AVEN: variants seen among roughly 807,000 people sequenced by gnomAD.
AVEN encodes cell death regulator Aven.
Under a neutral mutation model 38.1 loss-of-function variants are expected in AVEN, and 41 were observed. That is an observed-to-expected ratio of 1.08 (90% CI 0.84 to 1.40). The LOEUF (loss-of-function observed/expected upper bound fraction) is 1.40, where lower values mean the gene tolerates loss of function less well. Among genes scored for constraint, AVEN ranks in the 40% most tolerant of loss-of-function variants. The pLI, the probability that AVEN is intolerant of heterozygous loss-of-function variation, is 0.00. For missense variants in AVEN, 605 were observed against 438.8 expected (o/e 1.38, Z -3.38); for synonymous variants, 206 against 171.8 (o/e 1.20, Z -1.56).
intron 2 of AVEN, among the ~76,000 whole-genome samples, chr15:33,938,316 G>T (rs1474601357): frequency 3.3e-5 from 5 of 151,948 alleles, no homozygotes; most frequent in Non-Finnish European, 1.5e-5. Context: ...TTAGCCGGGC[G>T]TGGTGGTGGG....
intron 2 of AVEN, among the ~76,000 whole-genome samples, chr15:34,002,007 T>C (rs959051868): frequency 6.6e-6 from 1 of 152,210 alleles, no homozygotes; most frequent in Non-Finnish European, 1.5e-5. Flanking sequence ...AGCGACGTAA[T>C]TGCAGATTCA....
At chr15:33,993,667 A>T (rs1319810304) in intron 2 of AVEN, among the ~76,000 whole-genome samples, 2 of 152,198 alleles carry the variant, frequency 1.3e-5, no homozygotes, top group Non-Finnish European at 2.9e-5. Context: ...CAACATAAAT[A>T]ACAATCATCC....
At chr15:34,014,367 T>TA (rs1171463772) in intron 1 of AVEN, among the ~76,000 whole-genome samples, 3,156 of 13,434 alleles carry the variant, frequency 0.23, 305 homozygotes, top group East Asian at 0.44. Flanking sequence ...TCCATCTCAT[T>TA]AAAAAAAAAA....
intron 5 of AVEN, among the ~76,000 whole-genome samples, chr15:34,059,428 C>T (rs540122540): frequency 6.6e-6 from 1 of 152,298 alleles, no homozygotes; most frequent in Admixed American, 6.5e-5. Context: ...TACTTCTCTC[C>T]GGACTAATGC....
chr15:33,915,981 T>G (rs1002015900), intron 2 of AVEN, among the ~76,000 whole-genome samples: 1 of 152,044 alleles, frequency 6.6e-6, no homozygotes, highest in Non-Finnish European at 1.5e-5. Flanking sequence ...TCCACTGGCC[T>G]GAGAGCCACA....
At chr15:33,907,530 A>C (rs953985423) in intron 2 of AVEN, among the ~76,000 whole-genome samples, 11 of 152,164 alleles carry the variant, frequency 7.2e-5, no homozygotes, top group African/African-American at 2.4e-4. Flanking sequence ...ATCAGGAAGG[A>C]AGGAAATGTA....
intron 2 of AVEN, among the ~76,000 whole-genome samples, chr15:33,935,484 A>ATG (rs1414447829): frequency 3.6e-4 from 8 of 22,320 alleles, no homozygotes; most frequent in Non-Finnish European, 1.8e-3. Flanking sequence ...TTGTGTATAT[A>ATG]TGTGTATATA....
downstream of AVEN, among the ~76,000 whole-genome samples, chr15:33,862,226 GAGAT>G (rs559162050): frequency 2.2e-4 from 34 of 152,130 alleles, 1 homozygote; most frequent in South Asian, 6.4e-3. Context: ...CTCATCTTTC[GAGAT>G]AGATAGGGTC....
intron 2 of AVEN, among the ~76,000 whole-genome samples, chr15:33,961,814 A>AGG (rs1895199493): frequency 5.3e-4 from 1 of 1,876 alleles, no homozygotes; most frequent in South Asian, 0.013. Flanking sequence ...CTCTGTCTCA[A>AGG]AAAAAAAAAA....
chr15:33,942,629 T>C (rs1273655164), intron 2 of AVEN, among the ~76,000 whole-genome samples: 1 of 152,062 alleles, frequency 6.6e-6, no homozygotes, highest in African/African-American at 2.4e-5. Flanking sequence ...ATTTTTGTAT[T>C]TTTAGTAGAG....
intron 1 of AVEN, among the ~76,000 whole-genome samples, chr15:34,034,954 T>C (rs1333287105): frequency 3.3e-5 from 5 of 152,236 alleles, no homozygotes; most frequent in Non-Finnish European, 5.9e-5. Context: ...TCTCAGTCTC[T>C]AGCTGGCTGA....
At chr15:33,939,903 C>CA (rs971174452) in intron 2 of AVEN, among the ~76,000 whole-genome samples, 1 of 152,152 alleles carries the variant, frequency 6.6e-6, no homozygotes, top group African/African-American at 2.4e-5. Flanking sequence ...AGAAAACATA[C>CA]AACGTTAAAT....
At chr15:33,862,923 A>C (rs1888934618), downstream of AVEN, among the ~76,000 whole-genome samples, 1 of 152,208 alleles carries the variant, frequency 6.6e-6, no homozygotes, top group African/African-American at 2.4e-5. Context: ...GGCCTCAAAA[A>C]CTTGAGTTTT....
chr15:33,865,434 TGTCGAAGAAGGAA>T (rs1890180135), downstream of AVEN: 1 of 508,984 alleles, frequency 2.0e-6, no homozygotes, highest in Non-Finnish European at 3.5e-6. Context: ...CCTGTCAAAA[TGTCGAAGAAGGAA>T]GGCGAAGAAT....
intron 2 of AVEN, among the ~76,000 whole-genome samples, chr15:33,943,342 A>G (rs1242104167): frequency 6.6e-6 from 1 of 152,236 alleles, no homozygotes; most frequent in East Asian, 1.9e-4. Flanking sequence ...ACCAAGTGAA[A>G]TAAGCCAGTC....
intron 2 of AVEN, among the ~76,000 whole-genome samples, chr15:34,068,319 C>G (rs1900558612): frequency 6.6e-6 from 1 of 151,824 alleles, no homozygotes; most frequent in Non-Finnish European, 1.5e-5. Context: ...AGTGATCCCA[C>G]CTCAGCCTCC....
downstream of AVEN, among the ~76,000 whole-genome samples, chr15:33,862,598 T>G (rs971408233): frequency 9.2e-5 from 14 of 152,124 alleles, no homozygotes; most frequent in African/African-American, 3.4e-4. Flanking sequence ...GGGGATGAGT[T>G]TAAGTCAAAA....
chr15:33,894,927 C>A (rs1422664867), intron 2 of AVEN, among the ~76,000 whole-genome samples: 1 of 151,298 alleles, frequency 6.6e-6, no homozygotes, highest in Non-Finnish European at 1.5e-5. Context: ...CCTTAGATGG[C>A]AATTGCTGGA....
rs143995327 is a variant in AVEN at position 34,071,602 on chromosome 15, T to G, written n.721-951A>C. Among the ~76,000 whole-genome samples the G allele has an allele frequency of 2.7e-3, 406 of 152,250 alleles. 4 individuals carry two copies. The highest frequency in any genetic ancestry group is 8.8e-3 in the African/African-American group (366 of 41,538). ...GGTGCTTATTTTTAGTAGTTCCATG[T>G]GTATCCAAAGACAGGTTTATAGTCC... On this transcript the variant is annotated intron_variant and non_coding_transcript_variant, in intron 1 of 11. Transcript: ENST00000675287.
Sources: allele counts gnomAD v4.1 joint callset (sites outside exome capture counted in the v4.1 genomes callset), GRCh38; gene constraint gnomAD v4.1.1; transcripts MANE v1.5; gene names NCBI Gene and HGNC (gene_info 2026-07-23, HGNC 2026-07-21).